The following TCF12 variants were observed in gnomAD, a reference collection of about 807,000 sequenced individuals.
The protein encoded by TCF12 is DNA-binding protein HTF4.
In TCF12, 45 loss-of-function variants were observed where a neutral mutation model predicts 86.0. The observed-to-expected ratio is 0.52, with a 90% CI of 0.41 to 0.67. The LOEUF (loss-of-function observed/expected upper bound fraction) is 0.67. Among genes scored for constraint, TCF12 ranks in the 30% least tolerant of loss-of-function variants. The pLI, the probability that TCF12 is intolerant of heterozygous loss-of-function variation, is 0.00. For synonymous variants in TCF12, 330 were observed against 299.6 expected, an observed-to-expected ratio of 1.10 and a Z score of -1.05; for missense variants, 881 against 859.9, an observed-to-expected ratio of 1.02 and a Z score of -0.31.
chr15:57,285,849 G>A (rs1201308421), intron 20 of TCF12, among the ~76,000 whole-genome samples: 2 of 152,172 alleles, frequency 1.3e-5, no homozygotes, highest in East Asian at 1.9e-4. Context: ...GATTGCTTGA[G>A]CCCAGGAGTT....
At chr15:57,257,768 G>A (rs1481644657) in intron 16 of TCF12, among the ~76,000 whole-genome samples, 1 of 151,782 alleles carries the variant, frequency 6.6e-6, no homozygotes, top group Non-Finnish European at 1.5e-5. Context: ...GTTACTAGCA[G>A]TGTAAGGTCT....
chr15:56,969,620 C>G (rs572775935), intron 3 of TCF12, among the ~76,000 whole-genome samples: 1 of 151,338 alleles, frequency 6.6e-6, no homozygotes, highest in South Asian at 2.1e-4. Context: ...TCACTGCAGC[C>G]TCCACCTCCT....
chr15:57,078,393 A>G (rs1257115085), intron 4 of TCF12, among the ~76,000 whole-genome samples: 2 of 152,204 alleles, frequency 1.3e-5, no homozygotes, highest in Admixed American at 6.5e-5. Context: ...CTTGGAAGCT[A>G]TAATGTGGTA....
rs544627234 is a variant in TCF12 at position 57,143,146 on chromosome 15, C to T, written c.326-23256C>T. On this transcript the variant is annotated intron_variant, in intron 5 of 20. Coordinates refer to ENST00000333725, the MANE Select transcript of TCF12 (RefSeq NM_207037.2). ...ATCCCATAAATATATACACCTATTA[C>T]GTGCCCCCCCCCACCAAAAAAAAAA... is the stretch of plus-strand genomic sequence containing the variant. Among the ~76,000 whole-genome samples, 66 of 139,092 alleles carry T rather than the reference C, an allele frequency of 4.7e-4. 1 individual carries two copies. The South Asian group carries it at 8.5e-3, about 18-fold the overall frequency. The allele number at this position is 139,092 out of a possible 152,430, so 91.2% of individuals were successfully genotyped here.
Position 56,919,971 on chromosome 15 carries a change from C to T in TCF12, c.58C>T (p.Leu20=), listed in dbSNP as rs2059705990. The change falls in exon 2 of 21, where the codon CTA becomes TTA. Residue 20 remains leucine (L), a synonymous_variant. Transcript: ENST00000333725. The stretch of plus-strand genomic sequence containing the variant: ...AGGGACCGACAAGGAGCTGAGCGAC[C>T]TACTGGACTTCAGTGCGGTATGAGA... ...AIGTDKELSD[L]LDFSAMFSPP... 7 of 1,614,056 alleles carry T rather than the reference C, an allele frequency of 4.3e-6. No individual in the cohort carries two copies. The highest frequency in any genetic ancestry group is 5.1e-6 in the Non-Finnish European group (6 of 1,179,998).
chr15:57,236,774 A>G (rs1430251508), intron 12 of TCF12, among the ~76,000 whole-genome samples: 2 of 151,946 alleles, frequency 1.3e-5, no homozygotes, highest in African/African-American at 4.8e-5. Context: ...AAGAAAGAGA[A>G]TTGTACATGA....
intron 1 of TCF12, 75 bp from the exon 2 acceptor site, chr15:56,919,817 C>G: frequency 7.4e-7 from 1 of 1,354,338 alleles, no homozygotes. Flanking sequence ...GTAATCTTCC[C>G]CAGTACCTCT....
chr15:57,229,757 T>G (rs2059046356), intron 8 of TCF12, among the ~76,000 whole-genome samples: 1 of 151,918 alleles, frequency 6.6e-6, no homozygotes, highest in Non-Finnish European at 1.5e-5. Flanking sequence ...GTGCTAAACA[T>G]TTTATATATA....
At chr15:57,189,607 G>A (rs1484819351) in intron 6 of TCF12, among the ~76,000 whole-genome samples, 1 of 152,198 alleles carries the variant, frequency 6.6e-6, no homozygotes, top group Non-Finnish European at 1.5e-5. Context: ...AGGATATGGA[G>A]AAATTGGAAC....
intron 5 of TCF12, among the ~76,000 whole-genome samples, chr15:57,122,100 A>G (rs1567465438): frequency 7.2e-6 from 1 of 138,344 alleles, no homozygotes; most frequent in Non-Finnish European, 1.6e-5. Context: ...TCCTTGTACA[A>G]AAAAAAAAAA....
chr15:57,288,107 C>T lies in TCF12; in HGVS notation c.*1962C>T, dbSNP rs916897229. ...AAAATTTCTTGAATTCTAAATATTA[C>T]TCTTTCTAGATTTTTGAAATCAAAA... On this transcript the variant is annotated 3_prime_UTR_variant, in exon 21 of 21. Transcript: ENST00000333725. The T allele has an allele frequency of 6.6e-6, 1 of 152,580 alleles. No individual in the cohort carries two copies. Among genetic ancestry groups the T allele is most frequent in the African/African-American group, 2.4e-5 (1 of 41,440 alleles). 9.5% of individuals were successfully genotyped at this position (152,580 alleles called of 1,614,324 possible). A position where few individuals can be genotyped will look rare whatever the true frequency, so the allele number is the denominator to read the frequency against.
At chr15:57,029,841 G>T (rs1318696134) in intron 3 of TCF12, among the ~76,000 whole-genome samples, 2 of 152,162 alleles carry the variant, frequency 1.3e-5, no homozygotes, top group Admixed American at 6.5e-5. Flanking sequence ...AGTATGTAAT[G>T]TTTTGACACT....
intron 15 of TCF12, among the ~76,000 whole-genome samples, chr15:57,252,876 C>T (rs1339918724): frequency 1.3e-5 from 2 of 151,398 alleles, no homozygotes; most frequent in African/African-American, 4.9e-5. Flanking sequence ...ATTTGAGGTC[C>T]CTTCCCCAAA....
chr15:57,132,020 A>G (rs1225999338), intron 5 of TCF12, among the ~76,000 whole-genome samples: 6 of 152,138 alleles, frequency 3.9e-5, no homozygotes, highest in African/African-American at 1.2e-4. Context: ...GCATGGTGGC[A>G]TGTACCTGTA....
At chr15:57,203,861 A>G (rs1293161812) in intron 8 of TCF12, among the ~76,000 whole-genome samples, 1 of 152,022 alleles carries the variant, frequency 6.6e-6, no homozygotes, top group Non-Finnish European at 1.5e-5. Context: ...TGTCACTGCA[A>G]AAAAATTAGC....
At chr15:56,998,168 G>A (rs1207040578) in intron 3 of TCF12, among the ~76,000 whole-genome samples, 1 of 152,116 alleles carries the variant, frequency 6.6e-6, no homozygotes, top group Non-Finnish European at 1.5e-5. Context: ...TAGAATGCTT[G>A]AAGGTGGTCT....
chr15:57,049,695 A>G (rs981905208), intron 3 of TCF12, among the ~76,000 whole-genome samples: 5 of 152,326 alleles, frequency 3.3e-5, no homozygotes, highest in Middle Eastern at 3.4e-3. Flanking sequence ...TTCTGTTTGT[A>G]GATACATATT....
At chr15:57,223,794 G>T (rs1243197077) in intron 8 of TCF12, among the ~76,000 whole-genome samples, 1 of 151,010 alleles carries the variant, frequency 6.6e-6, no homozygotes, top group Non-Finnish European at 1.5e-5. Context: ...CTGCATTTCT[G>T]TTCTATTGGG....
chr15:57,103,473 C>T (rs910220479), intron 5 of TCF12, among the ~76,000 whole-genome samples: 3 of 152,126 alleles, frequency 2.0e-5, no homozygotes, highest in African/African-American at 7.2e-5. Flanking sequence ...CAGCTACTTT[C>T]CACATGTACA....
Sources: allele counts gnomAD v4.1 joint callset (sites outside exome capture counted in the v4.1 genomes callset), GRCh38; gene constraint gnomAD v4.1.1; transcripts MANE v1.5; gene names NCBI Gene and HGNC (gene_info 2026-07-23, HGNC 2026-07-21).